The following TRAK1 variants were observed in gnomAD, a reference collection of about 807,000 sequenced individuals.
TRAK1 encodes the protein trafficking kinesin protein 1.
A neutral mutation model predicts 92.1 loss-of-function variants in TRAK1; 33 were observed. The observed-to-expected ratio is 0.36, with a 90% confidence interval of 0.27 to 0.48. The LOEUF is 0.48. TRAK1 is among the 20% of genes least tolerant of loss of function. The probability of loss-of-function intolerance (pLI) is 0.99; values close to 1 mark genes in which losing one functional copy is unlikely to be tolerated. For synonymous variants in TRAK1, 521 were observed against 517.3 expected (o/e 1.01, Z -0.10); for missense variants, 1,123 against 1,257.9 (o/e 0.89, Z 1.62).
intron 14 of TRAK1, among the ~76,000 whole-genome samples, chr3:42,215,501 GGTGT>G (rs3836497): frequency 0.42 from 64,017 of 150,906 alleles, 13,624 homozygotes; most frequent in East Asian, 0.44. Context: ...CCACTGTTGG[GGTGT>G]GTGTGTGTGT....
chr3:42,078,884 C>T (rs1262153096), intron 1 of TRAK1, among the ~76,000 whole-genome samples: 1 of 152,020 alleles, frequency 6.6e-6, no homozygotes, highest in Non-Finnish European at 1.5e-5. Context: ...GAGCCACTTG[C>T]AAAATCTGGA....
In TRAK1 at chr3:42,203,811, A is replaced by G. The variant is rs1214529732; in HGVS notation, c.1744+1059A>G. On this transcript the variant is annotated intron_variant, in intron 13 of 15. Transcript: ENST00000327628. ...ACCACATATATATTGTTTATGTACT[A>G]TATGTATATACATAAACAATACATA... is the stretch of plus-strand genomic sequence containing the variant. 1.1e-5 allele frequency: 9 copies of G among 838,626 alleles called. 1 individual carries two copies. The highest frequency in any genetic ancestry group is 1.3e-5 in the Non-Finnish European group (9 of 696,076). The allele number at this position is 838,626 out of a possible 1,614,324, so 51.9% of individuals were successfully genotyped here.
At chr3:42,150,891 A>T (rs1339464199) in intron 2 of TRAK1, among the ~76,000 whole-genome samples, 1 of 152,148 alleles carries the variant, frequency 6.6e-6, no homozygotes, top group Non-Finnish European at 1.5e-5. Context: ...AGATGAGTGA[A>T]TTTTTTCTTT....
intron 2 of TRAK1, among the ~76,000 whole-genome samples, chr3:42,142,341 T>G (rs189459844): frequency 6.6e-6 from 1 of 152,326 alleles, no homozygotes; most frequent in Non-Finnish European, 1.5e-5. Flanking sequence ...TGGAACATGT[T>G]TGAAAACATG....
chr3:42,160,234 G>T, intron 2 of TRAK1: 1 of 1,491,362 alleles, frequency 6.7e-7, no homozygotes, highest in Non-Finnish European at 8.9e-7. Context: ...GCATGTCTGC[G>T]GCCCAGGCCA....
At chr3:42,026,874 C>T (rs1396508628) in intron 1 of TRAK1, among the ~76,000 whole-genome samples, 1 of 152,040 alleles carries the variant, frequency 6.6e-6, no homozygotes, top group African/African-American at 2.4e-5. Flanking sequence ...CTCCTTCTCC[C>T]CTCATATTTA....
intron 2 of TRAK1, among the ~76,000 whole-genome samples, chr3:42,148,617 C>A (rs184312032): frequency 6.6e-6 from 1 of 152,332 alleles, no homozygotes; most frequent in East Asian, 1.9e-4. Context: ...CTTGATTACA[C>A]ATGTACGTGT....
At chr3:42,193,382 G>A (rs986573303) in intron 8 of TRAK1, among the ~76,000 whole-genome samples, 177 bp downstream of exon 8, 4 of 152,162 alleles carry the variant, frequency 2.6e-5, no homozygotes, top group Non-Finnish European at 4.4e-5. Flanking sequence ...AATTGGTGAC[G>A]AGTCTTATTT....
chr3:42,060,336 G>C (rs1477748444), intron 1 of TRAK1, among the ~76,000 whole-genome samples: 2 of 151,888 alleles, frequency 1.3e-5, no homozygotes, highest in Admixed American at 6.6e-5. Context: ...CACCACGGTG[G>C]GGGGTGGGGG....
rs75820263 is a variant in TRAK1 at position 42,057,839 on chromosome 3, C to G, written c.-518-29265C>G. ...AGAACTCACCCTGGTTCACCTGACA[C>G]GTGGCCCACACCATGTTAATCAGTT... On this transcript the variant is annotated intron_variant, in intron 1 of 16. Coordinates refer to the TRAK1 transcript ENST00000487159. 8.8e-3 allele frequency among the ~76,000 whole-genome samples: 1,346 copies of G among 152,246 alleles called. 55 individuals carry two copies. The East Asian group carries it at 0.14, about 15-fold the overall frequency.
chr3:42,059,062 G>A (rs1039636603), intron 1 of TRAK1, among the ~76,000 whole-genome samples: 3 of 151,914 alleles, frequency 2.0e-5, no homozygotes, highest in Non-Finnish European at 2.9e-5. Context: ...ATATACATAC[G>A]TATGATATAA....
intron 3 of TRAK1, among the ~76,000 whole-genome samples, chr3:42,182,278 T>A (rs1704114363): frequency 6.7e-6 from 1 of 149,122 alleles, no homozygotes; most frequent in Non-Finnish European, 1.5e-5. Context: ...TGGGAACGAG[T>A]TGGGGGATTT....
intron 2 of TRAK1, among the ~76,000 whole-genome samples, chr3:42,133,341 C>T (rs1052624326): frequency 1.3e-5 from 2 of 152,184 alleles, no homozygotes; most frequent in African/African-American, 2.4e-5. Flanking sequence ...GATCATGCCG[C>T]TCCCTCGCTA....
chr3:42,131,283 C>G, intron 2 of TRAK1, among the ~76,000 whole-genome samples: 1 of 152,164 alleles, frequency 6.6e-6, no homozygotes, highest in Non-Finnish European at 1.5e-5. Flanking sequence ...TGGCTTGGCT[C>G]CCAGTGCCTC....
At chr3:42,167,456 T>A (rs1333952626) in intron 2 of TRAK1, among the ~76,000 whole-genome samples, 1 of 152,040 alleles carries the variant, frequency 6.6e-6, no homozygotes, top group Non-Finnish European at 1.5e-5. Context: ...AAAGAAATTG[T>A]TCTTTCTTTT....
intron 4 of TRAK1, among the ~76,000 whole-genome samples, chr3:42,185,577 C>T (rs544860159): frequency 9.2e-5 from 14 of 151,906 alleles, no homozygotes; most frequent in Admixed American, 4.6e-4. Context: ...CCAGGCCCTA[C>T]GTAGTAGCTT....
At chr3:42,119,958 T>G (rs1709637474) in intron 1 of TRAK1, among the ~76,000 whole-genome samples, 2 of 152,272 alleles carry the variant, frequency 1.3e-5, no homozygotes, top group South Asian at 4.1e-4. Flanking sequence ...AAAAGCTCTT[T>G]GAGAGAATGA....
chr3:42,039,348 T>A (rs1702448691), intron 1 of TRAK1, among the ~76,000 whole-genome samples: 1 of 152,204 alleles, frequency 6.6e-6, no homozygotes, highest in African/African-American at 2.4e-5. Context: ...GATGGATGTT[T>A]GGGTTGTTTC....
At chr3:42,020,595 A>C (rs192518137) in intron 1 of TRAK1, among the ~76,000 whole-genome samples, 52 of 152,296 alleles carry the variant, frequency 3.4e-4, no homozygotes, top group African/African-American at 1.2e-3. Context: ...ATCATGGATA[A>C]AGCTGCTATG....
Sources: allele counts gnomAD v4.1 joint callset (sites outside exome capture counted in the v4.1 genomes callset), GRCh38; gene constraint gnomAD v4.1.1; transcripts MANE v1.5; gene names NCBI Gene and HGNC (gene_info 2026-07-23, HGNC 2026-07-21).